LARGE1: variants seen among roughly 807,000 people sequenced by gnomAD.
LARGE1 encodes the protein xylosyl- and glucuronyltransferase LARGE1.
LARGE1 carries 43 observed loss-of-function variants against 87.6 expected under a neutral mutation model. That is an observed-to-expected ratio of 0.49 (90% CI 0.38 to 0.63). The LOEUF (loss-of-function observed/expected upper bound fraction) is 0.63. Ranked by LOEUF, LARGE1 falls within the 30% of genes least tolerant of loss-of-function variation. LARGE1 has a pLI of 0.00. For missense variants in LARGE1, 802 were observed against 1,000.2 expected, an observed-to-expected ratio of 0.80 and a Z score of 2.67; for synonymous variants, 434 against 394.6, an observed-to-expected ratio of 1.10 and a Z score of -1.18.
At chr22:33,163,057 G>T (rs1170204036) in exon 12 of LARGE1, 1 of 152,160 alleles carries the variant, frequency 6.6e-6, no homozygotes, top group Non-Finnish European at 1.5e-5. Context: ...GTAAAGGGGT[G>T]TCTGTCATTC....
At chr22:33,573,808 C>T (rs1173312610) in intron 5 of LARGE1, among the ~76,000 whole-genome samples, 1 of 152,122 alleles carries the variant, frequency 6.6e-6, no homozygotes, top group African/African-American at 2.4e-5. Flanking sequence ...AATACTTGCT[C>T]TGGGATGTAA....
chr22:33,187,813 A>C (rs1386054577), intron 11 of LARGE1, among the ~76,000 whole-genome samples: 1 of 150,548 alleles, frequency 6.6e-6, no homozygotes, highest in Non-Finnish European at 1.5e-5. Context: ...AGTCCCAGCC[A>C]CTCGGGAGGC....
chr22:33,486,017 C>G (rs1329176327), intron 6 of LARGE1, among the ~76,000 whole-genome samples: 1 of 152,310 alleles, frequency 6.6e-6, no homozygotes, highest in Admixed American at 6.5e-5. Context: ...CAGTAAATAA[C>G]TCTTAGAGAC....
At chr22:33,821,001 C>A (rs1342023748) in intron 1 of LARGE1, among the ~76,000 whole-genome samples, 2 of 152,194 alleles carry the variant, frequency 1.3e-5, no homozygotes, top group Non-Finnish European at 2.9e-5. Context: ...ACTGCAAGCT[C>A]CTTGAGGGCA....
intron 11 of LARGE1, among the ~76,000 whole-genome samples, chr22:33,182,631 G>T (rs1285241511): frequency 3.3e-5 from 5 of 152,246 alleles, no homozygotes; most frequent in Non-Finnish European, 7.4e-5. Flanking sequence ...ATGACTAATT[G>T]ATCAATAAAA....
chr22:33,793,806 A>G (rs1389630474), intron 1 of LARGE1, among the ~76,000 whole-genome samples: 1 of 151,384 alleles, frequency 6.6e-6, no homozygotes, highest in Non-Finnish European at 1.5e-5. Context: ...TTTTCATAAG[A>G]ATCTGTCCTC....
the LARGE1 span, among the ~76,000 whole-genome samples, chr22:33,102,593 G>C: frequency 6.6e-6 from 1 of 152,096 alleles, no homozygotes; most frequent in Non-Finnish European, 1.5e-5. Context: ...GGGTTCAAGT[G>C]ATTCTTCTGC....
intron 2 of LARGE1, among the ~76,000 whole-genome samples, chr22:33,666,455 C>T (rs929676531): frequency 6.6e-5 from 10 of 152,288 alleles, no homozygotes; most frequent in African/African-American, 1.4e-4. Context: ...GGAGAGCTAC[C>T]GCAGAGAGTG....
intron 2 of LARGE1, among the ~76,000 whole-genome samples, chr22:33,693,286 G>A (rs528863417): frequency 9.9e-5 from 15 of 152,088 alleles, no homozygotes; most frequent in Non-Finnish European, 1.8e-4. Flanking sequence ...AAAACTACCC[G>A]CTGGGTACAA....
At chr22:33,231,775 C>T (rs570195505) in intron 11 of LARGE1, among the ~76,000 whole-genome samples, 43 of 152,190 alleles carry the variant, frequency 2.8e-4, no homozygotes, top group Non-Finnish European at 5.1e-4. Context: ...CTCCTGGCTC[C>T]TCTCTAGCAC....
At chr22:33,871,363 C>T (rs2064275273) in intron 1 of LARGE1, among the ~76,000 whole-genome samples, 1 of 152,128 alleles carries the variant, frequency 6.6e-6, no homozygotes, top group South Asian at 2.1e-4. Context: ...TTAATGAGCA[C>T]ATATTGTGTG....
At chr22:33,554,143 T>C (rs1047805503) in intron 6 of LARGE1, among the ~76,000 whole-genome samples, 3 of 151,822 alleles carry the variant, frequency 2.0e-5, no homozygotes, top group Non-Finnish European at 4.4e-5. Context: ...TCCTCATGAG[T>C]TCTGCTCAGC....
intron 7 of LARGE1, among the ~76,000 whole-genome samples, chr22:33,406,335 C>T (rs1367036853): frequency 1.3e-5 from 2 of 152,192 alleles, no homozygotes; most frequent in Non-Finnish European, 2.9e-5. Flanking sequence ...AGTCCCATCC[C>T]TTGAGATCCG....
chr22:33,268,444 T>A (rs1426973704), downstream of LARGE1, among the ~76,000 whole-genome samples: 1 of 151,482 alleles, frequency 6.6e-6, no homozygotes, highest in Admixed American at 6.6e-5. Flanking sequence ...TTTTTTTTTT[T>A]TTGAGATGGA....
At chr22:33,555,336 T>C (rs1339272449) in intron 6 of LARGE1, among the ~76,000 whole-genome samples, 1 of 152,040 alleles carries the variant, frequency 6.6e-6, no homozygotes, top group Non-Finnish European at 1.5e-5. Context: ...CTGTCCTCCC[T>C]ATGGGGTGAG....
intron 1 of LARGE1, among the ~76,000 whole-genome samples, chr22:33,857,274 T>C (rs2063782628): frequency 6.6e-6 from 1 of 152,190 alleles, no homozygotes; most frequent in Non-Finnish European, 1.5e-5. Flanking sequence ...GGCTCTTTTA[T>C]TCTAAGCTGG....
chr22:33,736,700 C>T (rs557313623), intron 2 of LARGE1, among the ~76,000 whole-genome samples: 7 of 152,230 alleles, frequency 4.6e-5, no homozygotes, highest in Admixed American at 6.5e-5. Flanking sequence ...TCTCAGAAAC[C>T]GTTGCCTAAT....
chr22:33,889,179 G>A (rs1465036255), intron 1 of LARGE1: 2 of 136,128 alleles, frequency 1.5e-5, no homozygotes, highest in Admixed American at 7.8e-5. Flanking sequence ...TTTTAATTTC[G>A]TGAGCTTTTT....
chr22:33,503,798 C>CA, intron 6 of LARGE1, among the ~76,000 whole-genome samples: 1 of 150,928 alleles, frequency 6.6e-6, no homozygotes, highest in South Asian at 2.1e-4. Context: ...GACTCTGTCT[C>CA]AAAAAACAAA....
Sources: gnomAD v4.1 joint callset for allele counts (sites outside exome capture counted in the v4.1 genomes callset) on GRCh38, gnomAD v4.1.1 for gene constraint, MANE v1.5 for transcripts, NCBI Gene and HGNC (gene_info 2026-07-23, HGNC 2026-07-21) for gene names.